Variants in DAGLB observed in about 807,000 individuals in gnomAD.
DAGLB encodes diacylglycerol lipase-beta.
A neutral mutation model predicts 72.1 loss-of-function variants in DAGLB; 66 were observed. The observed-to-expected ratio is 0.92, with a 90% confidence interval of 0.75 to 1.12. The LOEUF is 1.12. Ranked by LOEUF, DAGLB falls within the 50% of genes most tolerant of loss-of-function variation. The pLI is 0.00. For synonymous variants in DAGLB, 414 were observed against 359.5 expected (o/e 1.15, Z -1.71); for missense variants, 1,065 against 884.9 (o/e 1.20, Z -2.58).
chr7:6,438,001 T>C (rs1287941181), intron 2 of DAGLB, among the ~76,000 whole-genome samples: 1 of 152,180 alleles, frequency 6.6e-6, no homozygotes, highest in Non-Finnish European at 1.5e-5. Context: ...AATAGTTACA[T>C]TTTAAAATAT....
chr7:6,414,081 G>T (rs1015827356), intron 11 of DAGLB, among the ~76,000 whole-genome samples: 41 of 152,240 alleles, frequency 2.7e-4, no homozygotes, highest in African/African-American at 9.1e-4. Flanking sequence ...CACAATCTCA[G>T]CTCACTGCAA....
At chr7:6,413,634 G>GAA (rs796974610) in intron 11 of DAGLB, among the ~76,000 whole-genome samples, 4 of 95,106 alleles carry the variant, frequency 4.2e-5, no homozygotes, top group African/African-American at 7.5e-5. Flanking sequence ...CATCTCAAAA[G>GAA]AAAAAAAAAA....
rs775375723 is a variant in DAGLB, at chr7:6,430,476, C to A, written c.929+4G>T. 3.3e-6 allele frequency: 5 copies of A among 1,531,304 alleles called. No homozygotes were observed. In the African/African-American group the frequency reaches 6.9e-5, roughly 21 times the overall value. The allele number at this position is 1,531,304 out of a possible 1,614,324, so 94.9% of individuals were successfully genotyped here. A position where few individuals can be genotyped will look rare whatever the true frequency, so the allele number is the denominator to read the frequency against. On this transcript the variant is annotated splice_donor_region_variant and intron_variant, in intron 6 of 14. Coordinates refer to ENST00000297056, the MANE Select transcript of DAGLB (RefSeq NM_139179.4). ...CTATGGAGGCTCAGACTGTGCCAAC[C>A]CACCAGTCACCACCAATCCTGCACA...
In DAGLB at chr7:6,412,991, C is replaced by G. The variant is rs537908568; in HGVS notation, c.1471G>C (p.Val491Leu). ...EYSQSFIVSLVLGKDVIPRLS... is the reference protein window; with the variant it reads ...EYSQSFIVSLLLGKDVIPRLS... ...CTGGGAATCACATCCTTCCCCAGGA[C>G]GAGTGACACGATGAAGCTCTGAGAA... The change falls in exon 12 of 15, where the codon GTC becomes CTC. Residue 491 changes from valine to leucine, a missense_variant. By Grantham distance (32) the Val-to-Leu change is conservative. Coordinates refer to ENST00000297056, the MANE Select transcript of DAGLB (RefSeq NM_139179.4). 8 of 1,613,812 alleles carry G rather than the reference C, an allele frequency of 5.0e-6. No homozygotes were observed. The highest frequency in any genetic ancestry group is 6.8e-6 in the Non-Finnish European group (8 of 1,179,926).
chr7:6,413,457 C>T (rs547803363), intron 11 of DAGLB, among the ~76,000 whole-genome samples: 22 of 152,106 alleles, frequency 1.4e-4, no homozygotes, highest in Admixed American at 9.8e-4. Context: ...GGTAAAAGCC[C>T]GTCTCTACTA....
chr7:6,423,788 C>T (rs1784213219), intron 8 of DAGLB, among the ~76,000 whole-genome samples: 1 of 152,148 alleles, frequency 6.6e-6, no homozygotes, highest in Non-Finnish European at 1.5e-5. Context: ...GGGGTTTCAC[C>T]ATGTTGGACA....
chr7:6,446,477 C>CAAAAAAAAAAAAA lies in DAGLB; in HGVS notation c.96-386_96-374dup, dbSNP rs748156438. ...TGGGCAACGATATGAGACTCCGTCT[C>CAAAAAAAAAAAAA]AAAAAAAAAAAAAAAAAAAAAAAAA... On this transcript the variant is annotated intron_variant, in intron 1 of 14. Transcript: ENST00000297056. 1.3e-3 allele frequency among the ~76,000 whole-genome samples: 77 copies of CAAAAAAAAAAAAA among 58,646 alleles called. 3 individuals are homozygous for CAAAAAAAAAAAAA. The highest frequency in any genetic ancestry group is 3.0e-3 in the East Asian group (4 of 1,318). The allele number at this position is 58,646 out of a possible 152,430, so 38.5% of individuals were successfully genotyped here.
rs1158914413 is a variant in DAGLB, at chr7:6,436,405, C to T, written c.376G>A (p.Asp126Asn). The change falls in exon 3 of 15, where the codon GAC (aspartate) becomes AAC (asparagine). Residue 126 changes from aspartate to asparagine, a missense_variant. Physicochemically the swap from Asp to Asn is conservative, Grantham distance 23. Transcript: ENST00000297056. Reference sequence around the variant, plus strand: ...ATGATGCCGTTTACAACTGTCCTGTCGCACTGAACACCATCTGCCACCCAG... The same window carrying T: ...ATGATGCCGTTTACAACTGTCCTGTTGCACTGAACACCATCTGCCACCCAG... Reference protein sequence around the residue: ...AAWVADGVQCDRTVVNGIIAT... With the variant: ...AAWVADGVQCNRTVVNGIIAT... 1.7e-5 allele frequency: 27 copies of T among 1,613,856 alleles called. No individual in the cohort carries two copies. The highest frequency in any genetic ancestry group is 3.3e-5 in the South Asian group (3 of 91,054).
chr7:6,413,353 G>A (rs1035968324), intron 11 of DAGLB, among the ~76,000 whole-genome samples: 2 of 152,186 alleles, frequency 1.3e-5, no homozygotes, highest in African/African-American at 2.4e-5. Context: ...ACTGGAGGCC[G>A]GGTGCAGTGG....
At chr7:6,444,957 A>T (rs945661957) in intron 2 of DAGLB, among the ~76,000 whole-genome samples, 2 of 151,882 alleles carry the variant, frequency 1.3e-5, no homozygotes, top group African/African-American at 4.8e-5. Flanking sequence ...ACCACTTCAC[A>T]TTCACTAGGA....
At position 6,424,708 on chromosome 7, in the gene DAGLB, C is replaced by G. The variant is rs763286165; in HGVS notation, c.1140+44G>C. The G allele has an allele frequency of 4.4e-6, 7 of 1,599,586 alleles. No homozygotes were observed. The African/African-American group carries it at 8.0e-5, about 18-fold the overall frequency. ...AGCCGAGCAGCTGTGGGCTCCCGCT[C>G]CCGCACCCACTCCCAGGGCTGGAAA... On this transcript the variant is annotated intron_variant, in intron 8 of 14. Coordinates refer to ENST00000297056, the MANE Select transcript of DAGLB (RefSeq NM_139179.4).
chr7:6,425,723 C>T (rs1395862370), intron 7 of DAGLB, among the ~76,000 whole-genome samples: 4 of 152,174 alleles, frequency 2.6e-5, no homozygotes, highest in Non-Finnish European at 5.9e-5. Flanking sequence ...TTTCACTCCT[C>T]AACAGAAGGG....
intron 8 of DAGLB, among the ~76,000 whole-genome samples, chr7:6,423,931 C>T (rs1392391394): frequency 2.6e-5 from 4 of 152,106 alleles, no homozygotes; most frequent in Non-Finnish European, 4.4e-5. Context: ...GGGCGCCCCC[C>T]GGGAGGAGCA....
chr7:6,412,857 A>T lies in DAGLB; in HGVS notation c.1523T>A (p.Leu508Gln), dbSNP rs1430483233. Residue 508 changes from leucine (L) to glutamine (Q), a missense_variant, in exon 13 of 15, where the codon CTG becomes CAG. Transcript: ENST00000297056. ...PRLSVTNLED[L>Q]KRRILRVVAH... is the part of the protein sequence containing the mutation. ...GACCACTCGCAAGATTCTTCTCTTC[A>T]GATCTTCCAAGTTGGTCACACTGAG... 6 of 1,605,858 alleles carry T rather than the reference A, an allele frequency of 3.7e-6. No homozygotes were observed. In the Admixed American group the frequency reaches 1.0e-4, roughly 27 times the overall value.
At chr7:6,440,029 G>A (rs1330050822) in intron 2 of DAGLB, among the ~76,000 whole-genome samples, 2 of 148,500 alleles carry the variant, frequency 1.3e-5, no homozygotes, top group Non-Finnish European at 3.0e-5. Context: ...TCCAGCCTGG[G>A]TGATGGAGAA....
At chr7:6,416,333 CAGG>C (rs1783914272) in intron 11 of DAGLB, 2 of 245,426 alleles carry the variant, frequency 8.1e-6, no homozygotes, top group South Asian at 1.8e-4. Context: ...CACTTGAGGT[CAGG>C]AGATCAAGAC....
chr7:6,430,486 C>T lies in DAGLB; in HGVS notation c.923G>A (p.Gly308Asp), dbSNP rs767575988. ...TCAGACTGTGCCAACCCACCAGTCACCACCAATCCTGCACAGCCCCGTGAG... is the reference window on the plus strand; with the variant it reads ...TCAGACTGTGCCAACCCACCAGTCATCACCAATCCTGCACAGCCCCGTGAG... Reference protein sequence around the residue: ...NPLTGLCRIGGDCCRSRTTDY... With the variant: ...NPLTGLCRIGDDCCRSRTTDY... The change falls in exon 6 of 15, where the codon GGT becomes GAT. Residue 308 changes from glycine (G) to aspartate (D), a missense_variant. Gly to Asp is a moderately conservative substitution (Grantham distance 94, BLOSUM62 -1). Transcript: ENST00000297056. 1 of 1,561,122 alleles carries T rather than the reference C, an allele frequency of 6.4e-7. No individual in the cohort carries two copies. Among genetic ancestry groups the T allele is most frequent in the Admixed American group, 1.8e-5 (1 of 55,182 alleles).
chr7:6,427,826 G>C (rs1318045286), intron 6 of DAGLB, among the ~76,000 whole-genome samples: 2 of 152,138 alleles, frequency 1.3e-5, no homozygotes, highest in Non-Finnish European at 2.9e-5. Flanking sequence ...CTCAGAACAT[G>C]ATGGGGTCAT....
In DAGLB at chr7:6,434,895, A is replaced by T; in HGVS notation, c.545T>A (p.Leu182His). The T allele has an allele frequency of 6.2e-7, 1 of 1,614,228 alleles. No homozygotes were observed. The highest frequency in any genetic ancestry group is 8.5e-7 in the Non-Finnish European group (1 of 1,180,040). The stretch of plus-strand genomic sequence containing the variant: ...TGTAGCTGCTGTCTTGAGGCCATTA[A>T]GTAACTGGCTTGAATCATGACTATC... The part of the protein sequence containing the change: ...HLDSHDSSQL[L>H]NGLKTAATSV... The change falls in exon 4 of 15, where the codon CTT becomes CAT. Residue 182 changes from leucine to histidine, a missense_variant. By Grantham distance (99) the Leu-to-His change is moderately conservative. Transcript: ENST00000297056.
Sources: gnomAD v4.1 joint callset for allele counts (sites outside exome capture counted in the v4.1 genomes callset) on GRCh38, gnomAD v4.1.1 for gene constraint, MANE v1.5 for transcripts, NCBI Gene and HGNC (gene_info 2026-07-23, HGNC 2026-07-21) for gene names.